The following PPFIBP2 variants were observed in gnomAD, a reference collection of about 807,000 sequenced individuals.
PPFIBP2 encodes liprin-beta-2.
PPFIBP2 carries 118 observed loss-of-function variants against 118.3 expected under a neutral mutation model. The observed-to-expected ratio is 1.00, with a 90% CI of 0.86 to 1.16. The LOEUF (loss-of-function observed/expected upper bound fraction) is 1.16, where lower values mean the gene tolerates loss of function less well. PPFIBP2 is among the 50% of genes most tolerant of loss of function. PPFIBP2 has a pLI of 0.00. For synonymous variants in PPFIBP2, 414 were observed against 397.4 expected (o/e 1.04, Z -0.50); for missense variants, 1,195 against 1,073.1 (o/e 1.11, Z -1.59).
chr11:7,556,819 A>C (rs1265918489), intron 2 of PPFIBP2, among the ~76,000 whole-genome samples: 1 of 152,216 alleles, frequency 6.6e-6, no homozygotes, highest in African/African-American at 2.4e-5. Flanking sequence ...TTTATTGCTA[A>C]TGAGAAGTCT....
chr11:7,519,169 G>A (rs879269054), intron 1 of PPFIBP2, among the ~76,000 whole-genome samples: 1 of 152,184 alleles, frequency 6.6e-6, no homozygotes, highest in African/African-American at 2.4e-5. Flanking sequence ...AGAAGATTGC[G>A]GCTGAGAAGA....
chr11:7,645,394 C>T (rs1852908832), intron 17 of PPFIBP2, among the ~76,000 whole-genome samples: 1 of 152,150 alleles, frequency 6.6e-6, no homozygotes, highest in African/African-American at 2.4e-5. Context: ...ATAAATGTGC[C>T]ATGTGCTCTC....
intron 1 of PPFIBP2, among the ~76,000 whole-genome samples, chr11:7,518,861 C>T (rs181646798): frequency 7.4e-4 from 112 of 152,238 alleles, no homozygotes; most frequent in African/African-American, 2.5e-3. Context: ...CCAAAGATGG[C>T]GCTCGAGCGA....
intron 1 of PPFIBP2, among the ~76,000 whole-genome samples, chr11:7,546,758 A>T (rs11041437): frequency 6.6e-6 from 1 of 152,178 alleles, no homozygotes; most frequent in Non-Finnish European, 1.5e-5. Context: ...TTTCCTGTGC[A>T]CCACACTCTC....
At chr11:7,598,975 T>C (rs1459360432) in intron 5 of PPFIBP2, among the ~76,000 whole-genome samples, 1 of 146,472 alleles carries the variant, frequency 6.8e-6, no homozygotes, top group Non-Finnish European at 1.5e-5. Flanking sequence ...TTTTGTTTGT[T>C]ATCTTTTCAT....
chr11:7,521,680 G>A (rs928350481), intron 1 of PPFIBP2, among the ~76,000 whole-genome samples: 1 of 152,206 alleles, frequency 6.6e-6, no homozygotes, highest in Non-Finnish European at 1.5e-5. Context: ...CTGCTTTAGG[G>A]CTGTATCAGC....
chr11:7,572,824 G>T (rs1855802778), intron 3 of PPFIBP2, among the ~76,000 whole-genome samples: 1 of 152,194 alleles, frequency 6.6e-6, no homozygotes, highest in Non-Finnish European at 1.5e-5. Flanking sequence ...TTATTGCCCA[G>T]GCTGGAGTGC....
At chr11:7,588,890 T>G (rs915536382) in intron 3 of PPFIBP2, among the ~76,000 whole-genome samples, 1 of 152,204 alleles carries the variant, frequency 6.6e-6, no homozygotes, top group Non-Finnish European at 1.5e-5. Context: ...GTGGCATTCT[T>G]TAGTCAAAAT....
rs779698753 is a variant in PPFIBP2 at position 7,593,115 on chromosome 11, T to C, written c.280-17T>C. On this transcript the variant is annotated splice_polypyrimidine_tract_variant and intron_variant, in intron 3 of 23. Coordinates refer to ENST00000299492, the MANE Select transcript of PPFIBP2 (RefSeq NM_003621.5). The stretch of plus-strand genomic sequence containing the variant: ...TCCAACCTTTTAAGTGTATTCTTTT[T>C]TTTCTGTCCTCTTTAGTCCCAGGTA... 3.7e-6 allele frequency: 6 copies of C among 1,606,232 alleles called. No individual in the cohort carries two copies. In the African/African-American group the frequency reaches 8.1e-5, roughly 22 times the overall value.
intron 4 of PPFIBP2, among the ~76,000 whole-genome samples, chr11:7,594,258 C>CT (rs1188497283): frequency 6.7e-6 from 1 of 149,232 alleles, no homozygotes; most frequent in Non-Finnish European, 1.5e-5. Flanking sequence ...ACACTTCGGC[C>CT]TTTTTTCCAG....
At chr11:7,631,412 G>C (rs58689995) in intron 11 of PPFIBP2, among the ~76,000 whole-genome samples, 7,919 of 152,174 alleles carry the variant, frequency 0.052, 357 homozygotes, top group African/African-American at 0.12. Flanking sequence ...ACAAATATTT[G>C]TTGAATGAAC....
chr11:7,585,967 A>G (rs1320927572), intron 3 of PPFIBP2, among the ~76,000 whole-genome samples: 2 of 152,252 alleles, frequency 1.3e-5, no homozygotes. Context: ...CTTAGAGTAC[A>G]CAATAAAACA....
chr11:7,660,883 T>C (rs1392437974), downstream of PPFIBP2, among the ~76,000 whole-genome samples: 2 of 151,916 alleles, frequency 1.3e-5, no homozygotes, highest in African/African-American at 4.8e-5. Flanking sequence ...TGGGAGAGTG[T>C]ATGTGTCGAG....
At chr11:7,552,624 G>T (rs1024476793) in intron 2 of PPFIBP2, among the ~76,000 whole-genome samples, 3 of 152,132 alleles carry the variant, frequency 2.0e-5, no homozygotes, top group Admixed American at 2.0e-4. Flanking sequence ...CTCCTCAATG[G>T]CTTCCCATCT....
chr11:7,649,829 TG>T (rs1853705587), intron 21 of PPFIBP2, among the ~76,000 whole-genome samples, 175 bp downstream of exon 21: 1 of 152,238 alleles, frequency 6.6e-6, no homozygotes, highest in South Asian at 2.1e-4. Flanking sequence ...CTGCACTTTG[TG>T]TCTCACAGTA....
chr11:7,651,875 T>C (rs11041499), intron 23 of PPFIBP2, 31 bp downstream of exon 23: 654,567 of 1,584,674 alleles, frequency 0.41, 138,250 homozygotes, highest in South Asian at 0.45. Context: ...GGGTGGGCCC[T>C]GGGCTGCCTC....
intron 6 of PPFIBP2, among the ~76,000 whole-genome samples, chr11:7,620,503 T>A (rs1047086122): frequency 1.3e-5 from 2 of 152,182 alleles, no homozygotes; most frequent in Non-Finnish European, 2.9e-5. Flanking sequence ...CCCTCTTCTA[T>A]CTTCCTTCAC....
chr11:7,647,890 T>A lies in PPFIBP2; in HGVS notation c.1647-497T>A, dbSNP rs1429673964. Among the ~76,000 whole-genome samples, 4 of 152,368 alleles carry A rather than the reference T, an allele frequency of 2.6e-5. No homozygotes were observed. In the East Asian group the frequency reaches 7.7e-4, roughly 29 times the overall value. On this transcript the variant is annotated intron_variant, in intron 17 of 23. Transcript: ENST00000299492. Reference sequence around the variant, plus strand: ...AATGTGAATGTTCCTCCTGTTTTGTTAATAAGTAATGTGCTAGCTGTTGTT... The same window carrying A: ...AATGTGAATGTTCCTCCTGTTTTGTAAATAAGTAATGTGCTAGCTGTTGTT...
intron 21 of PPFIBP2, 58 bp downstream of exon 21, chr11:7,649,712 G>A (rs10839831): frequency 0.39 from 625,653 of 1,599,642 alleles, 129,921 homozygotes; most frequent in Non-Finnish European, 0.43. Flanking sequence ...CTGAAACATC[G>A]AGCATGAGCA....
Sources: allele counts gnomAD v4.1 joint callset (sites outside exome capture counted in the v4.1 genomes callset), GRCh38; gene constraint gnomAD v4.1.1; transcripts MANE v1.5; gene names NCBI Gene and HGNC (gene_info 2026-07-23, HGNC 2026-07-21).